FCHSD2: variants seen among roughly 807,000 people sequenced by gnomAD.
FCHSD2 encodes the protein FCH and double SH3 domains 2.
Under a neutral mutation model 108.1 loss-of-function variants are expected in FCHSD2, and 38 were observed. The observed-to-expected ratio is 0.35, with a 90% CI of 0.27 to 0.46. FCHSD2 has a LOEUF of 0.46. Ranked by LOEUF, FCHSD2 falls within the 20% of genes least tolerant of loss-of-function variation. FCHSD2 has a pLI of 1.00. For synonymous variants in FCHSD2, 279 were observed against 314.7 expected, an observed-to-expected ratio of 0.89 and a Z score of 1.20; for missense variants, 751 against 897.8, an observed-to-expected ratio of 0.84 and a Z score of 2.09.
intron 13 of FCHSD2, 135 bp downstream of exon 13, chr11:72,867,730 G>T: frequency 9.0e-6 from 6 of 669,982 alleles, no homozygotes; most frequent in South Asian, 2.4e-5. Flanking sequence ...TTAGTGATAG[G>T]CTGAAGAATA....
intron 6 of FCHSD2, among the ~76,000 whole-genome samples, chr11:72,985,642 G>A (rs1857296791): frequency 6.6e-6 from 1 of 151,982 alleles, no homozygotes; most frequent in Non-Finnish European, 1.5e-5. Flanking sequence ...CTGCCTGTGT[G>A]CCTCCTCTGC....
chr11:73,044,282 T>C (rs1858705610), intron 3 of FCHSD2, among the ~76,000 whole-genome samples: 1 of 152,154 alleles, frequency 6.6e-6, no homozygotes, highest in Non-Finnish European at 1.5e-5. Flanking sequence ...CTTATGAATA[T>C]TTCCAAAGTC....
At chr11:72,851,418 A>G (rs1405803133) in intron 13 of FCHSD2, among the ~76,000 whole-genome samples, 1 of 152,156 alleles carries the variant, frequency 6.6e-6, no homozygotes, top group East Asian at 1.9e-4. Context: ...TGATGTATCC[A>G]TATTATAGAT....
rs200477185 is a variant in FCHSD2 at position 73,025,992 on chromosome 11, T to TTATGTATG, written c.166-10115_166-10108dup. On this transcript the variant is annotated intron_variant, in intron 3 of 19. Transcript: ENST00000409418. The stretch of plus-strand genomic sequence containing the variant: ...GACTAAAGAATTATAGAGATTCATT[T>TTATGTATG]TATGTATGTATGTATGTATGTATGT... Among the ~76,000 whole-genome samples, 1,008 of 149,514 alleles carry TTATGTATG rather than the reference T, an allele frequency of 6.7e-3. 10 individuals carry two copies. The highest frequency in any genetic ancestry group is 8.3e-3 in the South Asian group (39 of 4,680).
At chr11:72,940,508 A>G in intron 8 of FCHSD2, 2 of 816,900 alleles carry the variant, frequency 2.4e-6, no homozygotes, top group South Asian at 1.4e-5. Context: ...ATGGGTGCAT[A>G]CCCGCACATC....
chr11:73,138,360 A>C (rs980573757), intron 2 of FCHSD2, among the ~76,000 whole-genome samples: 1 of 152,202 alleles, frequency 6.6e-6, no homozygotes, highest in Admixed American at 6.5e-5. Context: ...TACAGACAAC[A>C]GGGGAAAAAT....
chr11:72,962,067 T>TA (rs938532859), intron 8 of FCHSD2, among the ~76,000 whole-genome samples: 1 of 152,206 alleles, frequency 6.6e-6, no homozygotes, highest in Non-Finnish European at 1.5e-5. Flanking sequence ...ATTTTAGTCT[T>TA]AGAGTTTCTT....
chr11:72,990,954 T>C (rs1003842060), intron 5 of FCHSD2, among the ~76,000 whole-genome samples: 8 of 152,074 alleles, frequency 5.3e-5, no homozygotes, highest in Middle Eastern at 6.8e-3. Flanking sequence ...ACAAAATTGA[T>C]AGACTACTAG....
At chr11:72,921,795 A>C (rs777318413) in intron 9 of FCHSD2, 33 bp downstream of exon 9, 1 of 1,582,690 alleles carries the variant, frequency 6.3e-7, no homozygotes. Flanking sequence ...TCTAAGTTGG[A>C]TAACACTACA....
intron 2 of FCHSD2, among the ~76,000 whole-genome samples, chr11:73,118,145 C>T (rs1184092329): frequency 6.6e-6 from 1 of 151,948 alleles, no homozygotes. Context: ...ATGGTAACAC[C>T]CCATCTCTAC....
rs1861259430 is a variant in FCHSD2, at chr11:73,141,947, A to T, written c.-70T>A. 6.9e-7 allele frequency: 1 copy of T among 1,459,844 alleles called. No individual in the cohort carries two copies. The highest frequency in any genetic ancestry group is 9.3e-7 in the Non-Finnish European group (1 of 1,080,442). The allele number at this position is 1,459,844 out of a possible 1,614,324, so 90.4% of individuals were successfully genotyped here. A position where few individuals can be genotyped will look rare whatever the true frequency, so the allele number is the denominator to read the frequency against. Reference sequence around the variant, plus strand: ...GGACCAGGAGGAGGAGGAGGGCCGGAGAGGAGGGGACGGCCCAGCGAGCGC... The same window carrying T: ...GGACCAGGAGGAGGAGGAGGGCCGGTGAGGAGGGGACGGCCCAGCGAGCGC... On this transcript the variant is annotated 5_prime_UTR_variant, in exon 1 of 20. Coordinates refer to ENST00000409418, the MANE Select transcript of FCHSD2 (RefSeq NM_014824.3).
intron 2 of FCHSD2, among the ~76,000 whole-genome samples, chr11:73,112,425 T>C (rs770683106): frequency 4.6e-5 from 7 of 152,218 alleles, no homozygotes; most frequent in African/African-American, 7.2e-5. Flanking sequence ...CTGTTCTTTA[T>C]CCTTGACATT....
chr11:73,140,024 G>C lies in FCHSD2; in HGVS notation c.119+7C>G. 2.7e-6 allele frequency: 4 copies of C among 1,491,300 alleles called. No homozygotes were observed. The highest frequency in any genetic ancestry group is 3.6e-6 in the Non-Finnish European group (4 of 1,100,088). The allele number at this position is 1,491,300 out of a possible 1,614,324, so 92.4% of individuals were successfully genotyped here. A position where few individuals can be genotyped will look rare whatever the true frequency, so the allele number is the denominator to read the frequency against. On this transcript the variant is annotated splice_region_variant and intron_variant, in intron 2 of 19. Coordinates refer to ENST00000409418, the MANE Select transcript of FCHSD2 (RefSeq NM_014824.3). ...AGAAGTCCTTGAACTATTTACTATA[G>C]CCTTACCTCATATCTTCAAGCAAAT... is the stretch of plus-strand genomic sequence containing the variant.
chr11:72,841,361 A>T, intron 18 of FCHSD2, 93 bp downstream of exon 18: 1 of 1,160,874 alleles, frequency 8.6e-7, no homozygotes, highest in Non-Finnish European at 1.2e-6. Flanking sequence ...AAAAAAAAAA[A>T]AAAGCAAATG....
intron 13 of FCHSD2, among the ~76,000 whole-genome samples, chr11:72,853,327 G>A (rs1861341691): frequency 6.6e-6 from 1 of 152,068 alleles, no homozygotes; most frequent in South Asian, 2.1e-4. Flanking sequence ...CACCTTATAC[G>A]ATACACAGAA....
rs532549331 is a variant in FCHSD2 at position 72,841,601 on chromosome 11, G to A, written c.1927-18C>T. 5.0e-5 allele frequency: 79 copies of A among 1,583,236 alleles called. 1 individual carries two copies. The South Asian group carries it at 7.3e-4, about 15-fold the overall frequency. On this transcript the variant is annotated intron_variant, in intron 17 of 19. Transcript: ENST00000409418. ...GGAGAGATCTGCAGCAAAGGGAAGC[G>A]AGGTTACCCGGTGCTCCCCTCCAGG...
chr11:73,107,398 T>G (rs1055515002), intron 2 of FCHSD2, among the ~76,000 whole-genome samples: 2 of 152,166 alleles, frequency 1.3e-5, no homozygotes, highest in Non-Finnish European at 2.9e-5. Context: ...TATATATAGA[T>G]GAGGACATGA....
intron 3 of FCHSD2, among the ~76,000 whole-genome samples, chr11:73,082,358 A>AAG (rs1859713795): frequency 1.3e-5 from 2 of 149,492 alleles, no homozygotes; most frequent in Non-Finnish European, 3.0e-5. Flanking sequence ...AAAAAAAAAA[A>AAG]AAAAGAAAAG....
intron 10 of FCHSD2, among the ~76,000 whole-genome samples, chr11:72,894,422 C>T (rs1472170680): frequency 6.6e-6 from 1 of 152,074 alleles, no homozygotes; most frequent in African/African-American, 2.4e-5. Context: ...CTATGGGAGG[C>T]TGAGGCAGGA....
Sources: allele counts gnomAD v4.1 joint callset (sites outside exome capture counted in the v4.1 genomes callset), GRCh38; gene constraint gnomAD v4.1.1; transcripts MANE v1.5; gene names NCBI Gene and HGNC (gene_info 2026-07-23, HGNC 2026-07-21).